The following ARHGAP21 variants were observed in gnomAD, a reference collection of about 807,000 sequenced individuals.
ARHGAP21 encodes rho GTPase-activating protein 21.
Under a neutral mutation model 164.6 loss-of-function variants are expected in ARHGAP21, and 38 were observed. That is an observed-to-expected ratio of 0.23 (90% CI 0.18 to 0.30). The LOEUF (loss-of-function observed/expected upper bound fraction) is 0.30. ARHGAP21 is among the 10% of genes least tolerant of loss of function. The pLI is 1.00. For missense variants in ARHGAP21, 1,822 were observed against 2,370.7 expected, an observed-to-expected ratio of 0.77 and a Z score of 4.81; for synonymous variants, 766 against 857.9, an observed-to-expected ratio of 0.89 and a Z score of 1.87.
intron 4 of ARHGAP21, among the ~76,000 whole-genome samples, chr10:24,635,695 C>T (rs1233586727): frequency 1.3e-5 from 2 of 152,090 alleles, no homozygotes. Flanking sequence ...TACAGGTGTA[C>T]ACCACCCCGC....
chr10:24,660,196 A>G (rs1839530897), intron 4 of ARHGAP21, among the ~76,000 whole-genome samples: 1 of 152,010 alleles, frequency 6.6e-6, no homozygotes, highest in Non-Finnish European at 1.5e-5. Context: ...ACTATCAGAG[A>G]AACTCAAATA....
chr10:24,585,703 C>G lies in ARHGAP21; in HGVS notation c.4586G>C (p.Arg1529Thr). 1 of 1,614,090 alleles carries G rather than the reference C, an allele frequency of 6.2e-7. No individual in the cohort carries two copies. The highest frequency in any genetic ancestry group is 1.1e-5 in the South Asian group (1 of 91,078). The stretch of plus-strand genomic sequence containing the variant: ...GGAGGACTTCTGTGCCAGAAGTGAC[C>G]TGGGGCTCTCTTTCAGGATGGCAAA... ...CRFAILKESP[R>T]SLLAQKSSHL... The change falls in exon 26 of 26, where the codon AGG becomes ACG. Residue 1529 changes from arginine (R) to threonine (T), a missense_variant. Arg to Thr is a moderately conservative substitution (Grantham distance 71). Coordinates refer to ENST00000396432, the MANE Select transcript of ARHGAP21 (RefSeq NM_020824.4).
At chr10:24,655,532 G>A (rs1022022198) in intron 4 of ARHGAP21, among the ~76,000 whole-genome samples, 8 of 152,290 alleles carry the variant, frequency 5.3e-5, no homozygotes, top group African/African-American at 1.7e-4. Flanking sequence ...GCTCATCATC[G>A]CGGCTGGAGG....
chr10:24,722,026 A>ATTTT lies in ARHGAP21; in HGVS notation c.-128_-127insAAAA, dbSNP rs1372656803. 1 of 974,262 alleles carries ATTTT rather than the reference A, an allele frequency of 1.0e-6. No homozygotes were observed. Among genetic ancestry groups the ATTTT allele is most frequent in the African/African-American group, 1.6e-5 (1 of 61,948 alleles). 60.4% of individuals were successfully genotyped at this position (974,262 alleles called of 1,614,324 possible). A position where few individuals can be genotyped will look rare whatever the true frequency, so the allele number is the denominator to read the frequency against. ...GCTCCGAGGAGGGGCAGGGCTGTTG[A>ATTTT]AACAGACAACGTGCCAGGGAATAAA... On this transcript the variant is annotated 5_prime_UTR_variant, in exon 2 of 26. Coordinates refer to ENST00000396432, the MANE Select transcript of ARHGAP21 (RefSeq NM_020824.4).
chr10:24,720,542 T>C (rs1845826543), intron 2 of ARHGAP21, among the ~76,000 whole-genome samples: 1 of 152,236 alleles, frequency 6.6e-6, no homozygotes, highest in Non-Finnish European at 1.5e-5. Context: ...ATTCTAAATG[T>C]AAACCTACAG....
chr10:24,712,145 A>G (rs1439652149), intron 2 of ARHGAP21, among the ~76,000 whole-genome samples: 1 of 152,050 alleles, frequency 6.6e-6, no homozygotes, highest in East Asian at 1.9e-4. Flanking sequence ...CGAACTCCTG[A>G]CCTCAAGTGA....
chr10:24,607,423 T>A, intron 11 of ARHGAP21, 76 bp downstream of exon 11: 1 of 1,222,454 alleles, frequency 8.2e-7, no homozygotes, highest in South Asian at 1.4e-5. Flanking sequence ...ATCATTAAAT[T>A]CTGAACTTAT....
chr10:24,700,027 A>G (rs1843516724), intron 2 of ARHGAP21, among the ~76,000 whole-genome samples: 1 of 152,088 alleles, frequency 6.6e-6, no homozygotes, highest in African/African-American at 2.4e-5. Context: ...GATAGCTGCA[A>G]TTCTGAAGCT....
rs1380536037 is a variant in ARHGAP21 at position 24,600,629 on chromosome 10, T to C, written c.3132+17A>G. The C allele has an allele frequency of 1.2e-6, 2 of 1,608,174 alleles. No individual in the cohort carries two copies. The highest frequency in any genetic ancestry group is 2.2e-5 in the South Asian group (2 of 90,574). ...GTGAAAGGGTCAGATTTCTCCAGCATTCCTTTGAACACCCACCTCTTCGTT... is the reference window on the plus strand; with the variant it reads ...GTGAAAGGGTCAGATTTCTCCAGCACTCCTTTGAACACCCACCTCTTCGTT... On this transcript the variant is annotated intron_variant, in intron 14 of 25. Transcript: ENST00000396432.
intron 9 of ARHGAP21, among the ~76,000 whole-genome samples, chr10:24,617,040 G>A (rs1834016976): frequency 6.6e-6 from 1 of 152,156 alleles, no homozygotes; most frequent in African/African-American, 2.4e-5. Flanking sequence ...GGCCGGTTAG[G>A]AGCTGGGCCG....
chr10:24,591,327 T>C lies in ARHGAP21; in HGVS notation c.4048A>G (p.Thr1350Ala), dbSNP rs1325051200. Residue 1350 changes from threonine to alanine, a missense_variant, in exon 24 of 26, where the codon ACA becomes GCA. This residue lies in a region of ARHGAP21 where 333 missense variants were observed against 383.9 expected (regional missense o/e 0.87). Transcript: ENST00000396432. The part of the protein sequence containing the change: ...TEEGAEEPLT[T>A]VQEESTVDSQ... The stretch of plus-strand genomic sequence containing the variant: ...TCTACTGTGCTTTCCTCCTGCACTG[T>C]TGTCTATGGTTAATAAACAAAGATC... The C allele has an allele frequency of 6.2e-7, 1 of 1,605,792 alleles. No individual in the cohort carries two copies. The highest frequency in any genetic ancestry group is 8.5e-7 in the Non-Finnish European group (1 of 1,176,242).
chr10:24,707,815 T>C (rs1014961379), intron 2 of ARHGAP21, among the ~76,000 whole-genome samples: 6 of 152,168 alleles, frequency 3.9e-5, no homozygotes, highest in Non-Finnish European at 5.9e-5. Flanking sequence ...CCCCATCAAC[T>C]TTCTCCTGGA....
intron 7 of ARHGAP21, among the ~76,000 whole-genome samples, chr10:24,624,763 C>T (rs1312473875): frequency 6.6e-6 from 1 of 151,954 alleles, no homozygotes; most frequent in Non-Finnish European, 1.5e-5. Context: ...AGGCTTTAAG[C>T]CCAAATGGAT....
At chr10:24,626,947 A>G (rs1281006154) in intron 7 of ARHGAP21, among the ~76,000 whole-genome samples, 2 of 152,232 alleles carry the variant, frequency 1.3e-5, no homozygotes, top group Non-Finnish European at 2.9e-5. Flanking sequence ...GTTTAAAAAC[A>G]TAAATGAATT....
intron 1 of ARHGAP21, chr10:24,723,167 C>T (rs1329015357): frequency 1.3e-5 from 2 of 151,116 alleles, no homozygotes; most frequent in Admixed American, 1.3e-4. Flanking sequence ...CCTTCCCGCC[C>T]GCTCGGGCCC....
chr10:24,602,210 G>A lies in ARHGAP21; in HGVS notation c.2722-107C>T, dbSNP rs1227720226. 14 of 1,261,442 alleles carry A rather than the reference G, an allele frequency of 1.1e-5. No individual in the cohort carries two copies. The African/African-American group carries it at 1.2e-4, about 11-fold the overall frequency. 78.1% of individuals were successfully genotyped at this position (1,261,442 alleles called of 1,614,324 possible). On this transcript the variant is annotated intron_variant, in intron 12 of 25. Transcript: ENST00000396432. The stretch of plus-strand genomic sequence containing the variant: ...ACTTTATTTAATGTTTCAAGTGAAG[G>A]GCTATTTTTGAAAAATCCTAACTTT...
rs1477916307 is a variant in ARHGAP21 at position 24,723,842 on chromosome 10, G to C, written c.-661C>G. ...ACTCTCCCCTCGCCTCGCCGGGCCG[G>C]GCCGGGGCCCAGCTCCGGCGCCCGC... On this transcript the variant is annotated 5_prime_UTR_variant, in exon 1 of 26. Coordinates refer to ENST00000396432, the MANE Select transcript of ARHGAP21 (RefSeq NM_020824.4). Among the ~76,000 whole-genome samples the C allele has an allele frequency of 3.3e-5, 5 of 150,294 alleles. No homozygotes were observed. The highest frequency in any genetic ancestry group is 3.3e-4 in the Admixed American group (5 of 15,118).
intron 2 of ARHGAP21, among the ~76,000 whole-genome samples, chr10:24,675,375 A>G (rs1346261875): frequency 1.3e-5 from 2 of 152,212 alleles, no homozygotes; most frequent in African/African-American, 2.4e-5. Context: ...GAAAAATTCT[A>G]AATACTGGTC....
chr10:24,641,014 G>A (rs1431619242), intron 4 of ARHGAP21, among the ~76,000 whole-genome samples: 1 of 152,100 alleles, frequency 6.6e-6, no homozygotes, highest in East Asian at 1.9e-4. Flanking sequence ...AGGGGGTGGA[G>A]GTGAAGCTGA....
Sources: gnomAD v4.1 joint callset for allele counts (sites outside exome capture counted in the v4.1 genomes callset) on GRCh38, gnomAD v4.1.1 for gene constraint, gnomAD v4.1.1 regional missense constraint, MANE v1.5 for transcripts, NCBI Gene and HGNC (gene_info 2026-07-23, HGNC 2026-07-21) for gene names.